Variants in NAA11 observed in about 807,000 individuals in gnomAD.
The protein encoded by NAA11 is N-alpha-acetyltransferase 11, NatA catalytic subunit, also known as N-alpha-acetyltransferase 11.
A neutral mutation model predicts 16.1 loss-of-function variants in NAA11; 15 were observed. The ratio of observed to expected loss-of-function variants is 0.93; its 90% CI spans 0.62 to 1.44. The LOEUF (loss-of-function observed/expected upper bound fraction) is 1.44, where lower values mean the gene tolerates loss of function less well. Ranked by LOEUF, NAA11 falls within the 40% of genes most tolerant of loss-of-function variation. NAA11 has a pLI of 0.00. For synonymous variants in NAA11, 122 were observed against 112.4 expected (o/e 1.09, Z -0.54); for missense variants, 298 against 291.3 (o/e 1.02, Z -0.17).
chr4:79,164,924 T>C, the NAA11 span, among the ~76,000 whole-genome samples: 1 of 152,238 alleles, frequency 6.6e-6, no homozygotes, highest in South Asian at 2.1e-4. Flanking sequence ...AACTGCCTAA[T>C]GTCTTTCAAC....
intron 1 of NAA11, among the ~76,000 whole-genome samples, chr4:79,321,134 G>T (rs1193253425): frequency 1.3e-5 from 2 of 152,198 alleles, no homozygotes; most frequent in Admixed American, 6.5e-5. Flanking sequence ...TATGTCAGGT[G>T]TTTATGTAGA....
downstream of NAA11, among the ~76,000 whole-genome samples, chr4:79,316,314 A>C (rs1024156262): frequency 2.0e-5 from 3 of 152,232 alleles, no homozygotes; most frequent in African/African-American, 7.2e-5. Context: ...AAAAGAAAAA[A>C]GGAAAAGATG....
At chr4:79,179,407 G>A in the NAA11 span, among the ~76,000 whole-genome samples, 154 of 152,232 alleles carry the variant, frequency 1.0e-3, no homozygotes, top group Admixed American at 1.8e-3. Context: ...GATATACTTT[G>A]AAGTGTATTT....
chr4:79,208,925 C>CAAAAAAAAA, the NAA11 span, among the ~76,000 whole-genome samples: 14 of 53,880 alleles, frequency 2.6e-4, no homozygotes, highest in East Asian at 7.8e-4. Context: ...ATATAACTGC[C>CAAAAAAAAA]AAAAAAAAAA....
At chr4:79,212,486 T>A in the NAA11 span, among the ~76,000 whole-genome samples, 1 of 151,954 alleles carries the variant, frequency 6.6e-6, no homozygotes, top group East Asian at 1.9e-4. Flanking sequence ...ACATGGCCTT[T>A]GCAAAACCTT....
At chr4:79,271,380 G>A (rs1275600695) in intron 2 of NAA11, among the ~76,000 whole-genome samples, 1 of 150,330 alleles carries the variant, frequency 6.7e-6, no homozygotes, top group Non-Finnish European at 1.5e-5. Context: ...AAATAAAAGA[G>A]GATACAAACA....
At chr4:79,250,414 A>T (rs1721968117) in intron 2 of NAA11, among the ~76,000 whole-genome samples, 1 of 152,234 alleles carries the variant, frequency 6.6e-6, no homozygotes, top group African/African-American at 2.4e-5. Context: ...GCCTGAGATG[A>T]TTGAGTTCCA....
At chr4:79,202,647 A>ATATATATATATATATATATATATATC in the NAA11 span, among the ~76,000 whole-genome samples, 3 of 126,626 alleles carry the variant, frequency 2.4e-5, no homozygotes, top group African/African-American at 5.4e-5. Context: ...ATATATATAT[A>ATATATATATATATATATATATATATC]TATCTGTGTA....
chr4:79,313,566 T>C (rs1025617947), downstream of NAA11, among the ~76,000 whole-genome samples: 1 of 152,178 alleles, frequency 6.6e-6, no homozygotes, highest in Non-Finnish European at 1.5e-5. Context: ...GAAAGCAATA[T>C]ATGTATGATT....
the NAA11 span, among the ~76,000 whole-genome samples, chr4:79,164,112 A>G: frequency 6.6e-6 from 1 of 151,672 alleles, no homozygotes; most frequent in African/African-American, 2.4e-5. Context: ...AGGTTGATTC[A>G]TTTCATAGAA....
the NAA11 span, among the ~76,000 whole-genome samples, chr4:79,160,269 G>A: frequency 3.9e-5 from 6 of 152,192 alleles, no homozygotes; most frequent in African/African-American, 1.4e-4. Flanking sequence ...TGGGATTACA[G>A]GCATGAGCCA....
chr4:79,168,664 GT>G, the NAA11 span, among the ~76,000 whole-genome samples: 2 of 152,120 alleles, frequency 1.3e-5, no homozygotes, highest in African/African-American at 4.8e-5. Context: ...CCACATAAAT[GT>G]CTTCTTTTGA....
At chr4:79,157,593 G>GTATATACACACATATATATACACATA in the NAA11 span, among the ~76,000 whole-genome samples, 1 of 151,374 alleles carries the variant, frequency 6.6e-6, no homozygotes, top group African/African-American at 2.4e-5. Context: ...ATACGTGTGT[G>GTATATACACACATATATATACACATA]TGTATATACA....
chr4:79,238,086 C>A (rs1311049754), intron 2 of NAA11, among the ~76,000 whole-genome samples: 3 of 152,152 alleles, frequency 2.0e-5, no homozygotes, highest in East Asian at 1.9e-4. Flanking sequence ...GAGAACAAAT[C>A]TTTTTCACCT....
chr4:79,272,451 A>G (rs999433445), intron 2 of NAA11, among the ~76,000 whole-genome samples: 1 of 152,086 alleles, frequency 6.6e-6, no homozygotes, highest in South Asian at 2.1e-4. Context: ...GGGGCCTAAA[A>G]TATGTAATAG....
chr4:79,323,828 GA>G (rs1028767160), intron 1 of NAA11, among the ~76,000 whole-genome samples: 1 of 146,120 alleles, frequency 6.8e-6, no homozygotes, highest in Admixed American at 6.8e-5. Context: ...CTCAAAAAAA[GA>G]AAAAAAGATA....
the NAA11 span, among the ~76,000 whole-genome samples, chr4:79,199,519 G>A: frequency 6.6e-6 from 1 of 151,740 alleles, no homozygotes; most frequent in South Asian, 2.1e-4. Context: ...ATTTGAAAGC[G>A]AGTGACAAAA....
chr4:79,279,485 A>T (rs1722738268), intron 2 of NAA11, among the ~76,000 whole-genome samples: 2 of 152,108 alleles, frequency 1.3e-5, no homozygotes, highest in African/African-American at 4.8e-5. Flanking sequence ...GATCTTGAGG[A>T]GCTTATATTC....
At chr4:79,303,975 TTGA>T (rs1329669400) in intron 1 of NAA11, among the ~76,000 whole-genome samples, 2 of 152,204 alleles carry the variant, frequency 1.3e-5, no homozygotes. Context: ...AAAACTCATG[TTGA>T]TTCATTTTGT....
Sources: gnomAD v4.1 joint callset for allele counts (sites outside exome capture counted in the v4.1 genomes callset) on GRCh38, gnomAD v4.1.1 for gene constraint, MANE v1.5 for transcripts, NCBI Gene and HGNC (gene_info 2026-07-23, HGNC 2026-07-21) for gene names.